Variants in TPTE2 observed in about 807,000 individuals in gnomAD.
TPTE2 encodes transmembrane phosphoinositide 3-phosphatase and tensin homolog 2, also known as phosphatidylinositol 3,4,5-trisphosphate 3-phosphatase TPTE2.
Under a neutral mutation model 78.6 loss-of-function variants are expected in TPTE2, and 53 were observed. That is an observed-to-expected ratio of 0.67 (90% CI 0.54 to 0.85). The LOEUF is 0.85. Among genes scored for constraint, TPTE2 ranks in the 40% least tolerant of loss-of-function variants. The pLI is 0.00. For missense variants in TPTE2, 461 were observed against 623.0 expected, an observed-to-expected ratio of 0.74 and a Z score of 2.77; for synonymous variants, 175 against 206.2, an observed-to-expected ratio of 0.85 and a Z score of 1.30.
chr13:19,434,911 C>T (rs1177923899), intron 15 of TPTE2, among the ~76,000 whole-genome samples: 1 of 152,200 alleles, frequency 6.6e-6, no homozygotes, highest in African/African-American at 2.4e-5. Context: ...AAGTTACTTT[C>T]TCTGAACCTC....
chr13:19,452,926 A>C (rs1196057114), intron 10 of TPTE2, among the ~76,000 whole-genome samples: 1 of 151,952 alleles, frequency 6.6e-6, no homozygotes, highest in African/African-American at 2.4e-5. Context: ...TGCAACATTT[A>C]GAATACTGTC....
At chr13:19,484,891 C>G (rs758591728) in intron 3 of TPTE2, among the ~76,000 whole-genome samples, 8 of 152,036 alleles carry the variant, frequency 5.3e-5, no homozygotes, top group Non-Finnish European at 1.0e-4. Flanking sequence ...AGATGAGTTT[C>G]TTTTAGATAA....
At chr13:19,480,079 A>AT (rs34783243) in intron 4 of TPTE2, among the ~76,000 whole-genome samples, 112,829 of 152,064 alleles carry the variant, frequency 0.74, 44,353 homozygotes, top group East Asian at 0.96. Flanking sequence ...AACATGACTC[A>AT]TTTTTTATCA....
chr13:19,486,449 T>C lies in TPTE2; in HGVS notation c.120-3902A>G, dbSNP rs188808904. On this transcript the variant is annotated intron_variant, in intron 3 of 19. Transcript: ENST00000400230. This position sits in a 1 kb window ranked among gnomAD's most constrained non-coding sequence, Gnocchi z 4.3. ...GAGTATGGCCTTATGCGGCTGGCCATGGTGCTGTCACTCTAGCCAGGAGCA... is the reference window on the plus strand; with the variant it reads ...GAGTATGGCCTTATGCGGCTGGCCACGGTGCTGTCACTCTAGCCAGGAGCA... 2.6e-5 allele frequency among the ~76,000 whole-genome samples: 4 copies of C among 152,058 alleles called. No homozygotes were observed. Among genetic ancestry groups the C allele is most frequent in the Non-Finnish European group, 5.9e-5 (4 of 67,994 alleles).
At chr13:19,560,829 C>T in the TPTE2 span, 2 of 1,532,008 alleles carry the variant, frequency 1.3e-6, no homozygotes, top group Non-Finnish European at 1.8e-6. Flanking sequence ...GCGGTCCAGG[C>T]GCGCTCCCGC....
chr13:19,477,732 A>G (rs568270589), intron 4 of TPTE2, among the ~76,000 whole-genome samples: 192 of 152,314 alleles, frequency 1.3e-3, no homozygotes, highest in Middle Eastern at 3.4e-3. Context: ...AATCTGTTTC[A>G]GTGTTCCCTG....
upstream of TPTE2, among the ~76,000 whole-genome samples, chr13:19,504,378 C>T (rs1312408887): frequency 6.6e-6 from 1 of 152,078 alleles, no homozygotes; most frequent in African/African-American, 2.4e-5. Flanking sequence ...TCTGCTCTCA[C>T]ACAGGGTCAA....
the TPTE2 span, among the ~76,000 whole-genome samples, chr13:19,555,738 T>A: frequency 2.0e-5 from 3 of 150,768 alleles, no homozygotes; most frequent in African/African-American, 7.3e-5. Context: ...CCTTCAAGAA[T>A]CTCAAGAATC....
chr13:19,502,561 C>T (rs914760649), intron 1 of TPTE2, among the ~76,000 whole-genome samples: 9 of 149,078 alleles, frequency 6.0e-5, no homozygotes, highest in African/African-American at 2.2e-4. Context: ...AAAAACCAAA[C>T]ACCACATATT....
chr13:19,470,887 T>TTTTATTTATTTATTTATTTA (rs57724907), intron 6 of TPTE2, among the ~76,000 whole-genome samples: 4 of 139,634 alleles, frequency 2.9e-5, no homozygotes, highest in South Asian at 2.4e-4. Flanking sequence ...GATCTTTTTA[T>TTTTATTTATTTATTTATTTA]TTTATTTATT....
Position 19,510,375 on chromosome 13 carries a change from G to T in TPTE2, c.-43-7098C>A, listed in dbSNP as rs1432465399. 3.0e-4 allele frequency among the ~76,000 whole-genome samples: 45 copies of T among 152,106 alleles called. 1 individual carries two copies. Among genetic ancestry groups the T allele is most frequent in the Non-Finnish European group, 1.2e-4 (8 of 68,016 alleles). On this transcript the variant is annotated intron_variant, in intron 1 of 17. Transcript: ENST00000390680. Reference sequence around the variant, plus strand: ...CTCCCATTTATGGTGGAAGATAGACGAAGGGGAACTGACACGTGCAGAGAT... The same window carrying T: ...CTCCCATTTATGGTGGAAGATAGACTAAGGGGAACTGACACGTGCAGAGAT...
intron 10 of TPTE2, among the ~76,000 whole-genome samples, chr13:19,451,573 T>G (rs1265603808): frequency 6.6e-6 from 1 of 152,220 alleles, no homozygotes; most frequent in Non-Finnish European, 1.5e-5. Context: ...TTCATATTGG[T>G]TCTTATTTCA....
intron 11 of TPTE2, 120 bp downstream of exon 14, chr13:19,451,045 T>C: frequency 7.3e-6 from 9 of 1,231,858 alleles, no homozygotes; most frequent in Non-Finnish European, 9.0e-6. Context: ...ATTTTTAAAT[T>C]CATTCCTTGC....
chr13:19,489,720 C>CTG (rs1405246323), intron 3 of TPTE2, among the ~76,000 whole-genome samples: 2 of 145,724 alleles, frequency 1.4e-5, no homozygotes, highest in Non-Finnish European at 3.0e-5. Flanking sequence ...AAAGATATAT[C>CTG]TGTATATATA....
intron 1 of TPTE2, among the ~76,000 whole-genome samples, chr13:19,499,184 CCA>C (rs1316993061): frequency 6.6e-6 from 1 of 152,086 alleles, no homozygotes; most frequent in African/African-American, 2.4e-5. Context: ...ACTTAGACTC[CCA>C]CACATTAATA....
chr13:19,496,617 G>C (rs138363591), intron 1 of TPTE2, among the ~76,000 whole-genome samples: 1 of 152,320 alleles, frequency 6.6e-6, no homozygotes, highest in Non-Finnish European at 1.5e-5. Flanking sequence ...TGAAGTGTGA[G>C]GGACAAGTCC....
At chr13:19,510,110 C>G (rs1338483478) in intron 1 of TPTE2, among the ~76,000 whole-genome samples, 3 of 152,164 alleles carry the variant, frequency 2.0e-5, no homozygotes, top group African/African-American at 4.8e-5. Context: ...AATGCCAAAG[C>G]TAACAGGCAG....
At chr13:19,561,283 G>A in the TPTE2 span, 6 of 1,058,842 alleles carry the variant, frequency 5.7e-6, no homozygotes, top group South Asian at 9.9e-5. Context: ...ACACGCGGCT[G>A]CCCTCCTGCC....
exon 3 of TPTE2, chr13:19,492,877 G>A (rs779212667): frequency 1.2e-5 from 19 of 1,613,948 alleles, no homozygotes; most frequent in Non-Finnish European, 1.6e-5. Context: ...CACCAGGGCT[G>A]CTCCTTTAAA....
Sources: allele counts gnomAD v4.1 joint callset (sites outside exome capture counted in the v4.1 genomes callset), GRCh38; gene constraint gnomAD v4.1.1; non-coding constraint Gnocchi (gnomAD v3.1); transcripts MANE v1.5; gene names NCBI Gene and HGNC (gene_info 2026-07-23, HGNC 2026-07-21).